Variants in FBXL18 observed in about 807,000 individuals in gnomAD.
FBXL18 encodes the protein F-box/LRR-repeat protein 18.
In FBXL18, 36 loss-of-function variants were observed where a neutral mutation model predicts 46.0. That is an observed-to-expected ratio of 0.78 (90% confidence interval 0.60 to 1.03). The LOEUF (loss-of-function observed/expected upper bound fraction) is 1.03. FBXL18 is among the 50% of genes least tolerant of loss of function. The pLI, the probability that FBXL18 is intolerant of heterozygous loss-of-function variation, is 0.00. For missense variants in FBXL18, 977 were observed against 1,004.1 expected (o/e 0.97, Z 0.36); for synonymous variants, 557 against 465.3 (o/e 1.20, Z -2.54).
downstream of FBXL18, among the ~76,000 whole-genome samples, chr7:5,473,085 C>A (rs964845177): frequency 6.6e-6 from 1 of 152,112 alleles, no homozygotes; most frequent in Non-Finnish European, 1.5e-5. Flanking sequence ...CAGCACCGAC[C>A]GCTGATTTCC....
At chr7:5,499,172 G>A (rs1784163624) in intron 3 of FBXL18, among the ~76,000 whole-genome samples, 1 of 152,066 alleles carries the variant, frequency 6.6e-6, no homozygotes, top group South Asian at 2.1e-4. Context: ...CTCCTGAGCC[G>A]ACCTCTCCTG....
At chr7:5,503,961 C>T (rs1280614622) in intron 2 of FBXL18, among the ~76,000 whole-genome samples, 2 of 146,104 alleles carry the variant, frequency 1.4e-5, no homozygotes, top group Admixed American at 6.8e-5. Flanking sequence ...AGTGAGACCT[C>T]GTTTCAAAAA....
chr7:5,486,760 G>A (rs573263244), intron 4 of FBXL18, among the ~76,000 whole-genome samples: 3 of 152,290 alleles, frequency 2.0e-5, no homozygotes, highest in Middle Eastern at 3.4e-3. Flanking sequence ...AAAAGGCAGC[G>A]CGGTCACCAG....
At chr7:5,474,627 CTTTAT>C (rs1472288062), downstream of FBXL18, among the ~76,000 whole-genome samples, 9 of 124,032 alleles carry the variant, frequency 7.3e-5, no homozygotes, top group Admixed American at 5.4e-4. Context: ...GAACTATGCA[CTTTAT>C]TTTACTTTTT....
chr7:5,466,569 G>C (rs76463216), intron 4 of FBXL18, among the ~76,000 whole-genome samples: 4,011 of 152,292 alleles, frequency 0.026, 183 homozygotes, highest in African/African-American at 0.092. Flanking sequence ...GATTGGACTG[G>C]GCCACCAGGA....
At chr7:5,463,319 C>G (rs1783283775) in intron 4 of FBXL18, among the ~76,000 whole-genome samples, 1 of 151,808 alleles carries the variant, frequency 6.6e-6, no homozygotes, top group South Asian at 2.1e-4. Flanking sequence ...AACACGTCCA[C>G]CTAAGAATTT....
At chr7:5,512,870 C>G (rs1435095280) in intron 1 of FBXL18, among the ~76,000 whole-genome samples, 1 of 152,106 alleles carries the variant, frequency 6.6e-6, no homozygotes, top group Non-Finnish European at 1.5e-5. Context: ...GAGACCCTGC[C>G]CCATCACTCT....
At chr7:5,454,652 A>G (rs544024094) in intron 4 of FBXL18, among the ~76,000 whole-genome samples, 62 of 152,280 alleles carry the variant, frequency 4.1e-4, no homozygotes, top group Admixed American at 3.7e-3. Flanking sequence ...CATTTTACAG[A>G]TGGGGCCCTG....
At chr7:5,486,658 A>T (rs1783784651) in intron 4 of FBXL18, among the ~76,000 whole-genome samples, 1 of 152,134 alleles carries the variant, frequency 6.6e-6, no homozygotes. Context: ...GTCTCTAAAA[A>T]AAGAAAAAGA....
At chr7:5,456,390 T>C (rs1407170087) in intron 4 of FBXL18, among the ~76,000 whole-genome samples, 1 of 152,190 alleles carries the variant, frequency 6.6e-6, no homozygotes, top group Non-Finnish European at 1.5e-5. Flanking sequence ...AAGGGGGATC[T>C]CAAACTCATC....
At chr7:5,505,861 T>C (rs1035334716) in intron 1 of FBXL18, among the ~76,000 whole-genome samples, 21 of 152,148 alleles carry the variant, frequency 1.4e-4, no homozygotes, top group Non-Finnish European at 2.9e-4. Context: ...AAGATCATCA[T>C]GTGTTTATTT....
chr7:5,513,633 A>G, intron 1 of FBXL18, 24 bp downstream of exon 1: 1 of 1,612,284 alleles, frequency 6.2e-7, no homozygotes, highest in Non-Finnish European at 8.5e-7. Context: ...GCAGAAGCAG[A>G]GCGGAGACAG....
At chr7:5,503,082 G>C (rs925966830) in intron 2 of FBXL18, among the ~76,000 whole-genome samples, 4 of 152,256 alleles carry the variant, frequency 2.6e-5, no homozygotes, top group Non-Finnish European at 5.9e-5. Context: ...ATGTGATCCA[G>C]CCACAAAGGG....
chr7:5,459,723 G>C (rs1248999754), intron 4 of FBXL18, among the ~76,000 whole-genome samples: 11 of 147,962 alleles, frequency 7.4e-5, no homozygotes, highest in Middle Eastern at 3.7e-3. Flanking sequence ...CTGGGCAACA[G>C]AGTGAGACTC....
At chr7:5,509,447 C>G (rs1398113224) in intron 1 of FBXL18, among the ~76,000 whole-genome samples, 2 of 152,090 alleles carry the variant, frequency 1.3e-5, no homozygotes, top group African/African-American at 4.8e-5. Context: ...TAATCCCCAG[C>G]ACTTTGGGAG....
At chr7:5,459,058 G>A (rs546536914) in intron 4 of FBXL18, among the ~76,000 whole-genome samples, 1 of 152,282 alleles carries the variant, frequency 6.6e-6, no homozygotes, top group African/African-American at 2.4e-5. Flanking sequence ...GAAGCTGAGG[G>A]TAGAGGACTG....
rs1044226095 is a variant in FBXL18, at chr7:5,477,448, A to T, written c.*4327T>A. Among the ~76,000 whole-genome samples, 4 of 152,160 alleles carry T rather than the reference A, an allele frequency of 2.6e-5. No homozygotes were observed. Among genetic ancestry groups the T allele is most frequent in the African/African-American group, 9.7e-5 (4 of 41,432 alleles). On this transcript the variant is annotated 3_prime_UTR_variant, in exon 5 of 5. Coordinates refer to ENST00000382368, the MANE Select transcript of FBXL18 (RefSeq NM_024963.6). This position sits in a 1 kb window ranked among gnomAD's most constrained non-coding sequence, Gnocchi z 4.4. Reference sequence around the variant, plus strand: ...CCAGGCACGGTGGCTCACACCTGTTATCCTAGCACTTTGGGAGGCCGAGGC... The same window carrying T: ...CCAGGCACGGTGGCTCACACCTGTTTTCCTAGCACTTTGGGAGGCCGAGGC...
intron 4 of FBXL18, among the ~76,000 whole-genome samples, chr7:5,482,680 A>G (rs1783679857): frequency 1.3e-5 from 2 of 152,140 alleles, no homozygotes; most frequent in Non-Finnish European, 2.9e-5. Flanking sequence ...GCCATGAAGC[A>G]GAACAGGGAC....
At chr7:5,494,101 C>T (rs1216874453) in intron 3 of FBXL18, among the ~76,000 whole-genome samples, 2 of 151,758 alleles carry the variant, frequency 1.3e-5, no homozygotes, top group East Asian at 3.9e-4. Flanking sequence ...GGAAAAACCC[C>T]ATCTCTACTA....
Sources: gnomAD v4.1 joint callset for allele counts (sites outside exome capture counted in the v4.1 genomes callset) on GRCh38, gnomAD v4.1.1 for gene constraint, Gnocchi (gnomAD v3.1) non-coding constraint, MANE v1.5 for transcripts, NCBI Gene and HGNC (gene_info 2026-07-23, HGNC 2026-07-21) for gene names.